Variants in INSL6 observed in about 807,000 individuals in gnomAD.
INSL6 encodes the protein insulin like 6, also known as insulin-like peptide INSL6.
INSL6 carries 16 observed loss-of-function variants against 9.4 expected under a neutral mutation model. That is an observed-to-expected ratio of 1.70 (90% CI 1.15 to 2.59). INSL6 has a LOEUF of 2.59. Ranked by LOEUF, INSL6 falls within the 30% of genes most tolerant of loss-of-function variation. The pLI is 0.00. For synonymous variants in INSL6, 154 were observed against 96.9 expected, an observed-to-expected ratio of 1.59 and a Z score of -3.46; for missense variants, 391 against 257.3, an observed-to-expected ratio of 1.52 and a Z score of -3.56.
At chr9:5,065,787 G>T in the INSL6 span, among the ~76,000 whole-genome samples, 1 of 152,040 alleles carries the variant, frequency 6.6e-6, no homozygotes, top group African/African-American at 2.4e-5. Flanking sequence ...TGAATAACTC[G>T]AGCAAAGGGA....
chr9:5,161,640 TAAAACCA>T (rs1586869459), downstream of INSL6, among the ~76,000 whole-genome samples: 6 of 152,082 alleles, frequency 3.9e-5, no homozygotes, highest in East Asian at 9.7e-4. Context: ...AAGAAATGAG[TAAAACCA>T]TCCTTATTTA....
chr9:5,017,377 T>A, the INSL6 span, among the ~76,000 whole-genome samples: 6 of 152,178 alleles, frequency 3.9e-5, no homozygotes, highest in Admixed American at 3.9e-4. Context: ...TTCTAGCAAA[T>A]TTACTCCTTA....
intron 1 of INSL6, among the ~76,000 whole-genome samples, chr9:5,177,841 C>T (rs1251951379): frequency 6.6e-6 from 1 of 152,178 alleles, no homozygotes; most frequent in Non-Finnish European, 1.5e-5. Context: ...AGCACAGCTG[C>T]TGTGCCAGAC....
chr9:5,145,406 A>T (rs192389348), intron 2 of INSL6, among the ~76,000 whole-genome samples: 4 of 151,920 alleles, frequency 2.6e-5, no homozygotes, highest in Admixed American at 2.0e-4. Context: ...CTTCATTTTG[A>T]CCTTGGAGAT....
At chr9:5,070,118 T>TAC in the INSL6 span, 1 of 1,130,782 alleles carries the variant, frequency 8.8e-7, no homozygotes, top group Non-Finnish European at 1.3e-6. Context: ...TTTCTTGATT[T>TAC]ACATTCATGT....
At position 5,180,988 on chromosome 9, in the gene INSL6, A is replaced by C. The variant is rs537823193; in HGVS notation, c.289+4326T>G. On this transcript the variant is annotated intron_variant, in intron 1 of 1. Coordinates refer to ENST00000381641, the MANE Select transcript of INSL6 (RefSeq NM_007179.3). ...GGTTTGAGGCTCAGGCCAGCATTAG[A>C]GTCCTACTGATATGTGCTGTCACCC... is the stretch of plus-strand genomic sequence containing the variant. Among the ~76,000 whole-genome samples the C allele has an allele frequency of 5.1e-4, 77 of 152,288 alleles. 1 individual carries two copies. Among genetic ancestry groups the C allele is most frequent in the Admixed American group, 1.1e-3 (17 of 15,296 alleles).
At chr9:5,015,056 C>G in the INSL6 span, among the ~76,000 whole-genome samples, 2 of 152,238 alleles carry the variant, frequency 1.3e-5, no homozygotes, top group African/African-American at 4.8e-5. Context: ...CTATAATTTA[C>G]TGCTTTTGCA....
At position 5,147,480 on chromosome 9, in the gene INSL6, C is replaced by T. The variant is rs746534296; in HGVS notation, c.377-13888G>A. On this transcript the variant is annotated intron_variant, in intron 2 of 3. Coordinates refer to the INSL6 transcript ENST00000649639. ...TGTCCAGGGAGTTGCCAAGTTGCTA[C>T]TGGCTTGATAGCTCTGGCAGGGAGT... is the stretch of plus-strand genomic sequence containing the variant. Among the ~76,000 whole-genome samples, 5 of 152,184 alleles carry T rather than the reference C, an allele frequency of 3.3e-5. No individual in the cohort carries two copies. In the South Asian group the frequency reaches 6.2e-4, roughly 19 times the overall value.
At chr9:5,030,051 T>C in the INSL6 span, 1 of 655,430 alleles carries the variant, frequency 1.5e-6, no homozygotes, top group Non-Finnish European at 2.5e-6. Flanking sequence ...TAAGATTCTA[T>C]TCTGTTTCTC....
At chr9:5,171,785 C>T (rs1465459933) in intron 1 of INSL6, among the ~76,000 whole-genome samples, 2 of 152,042 alleles carry the variant, frequency 1.3e-5, no homozygotes, top group Admixed American at 1.3e-4. Flanking sequence ...TAGCGAGGAA[C>T]ATGAAGGACC....
the INSL6 span, among the ~76,000 whole-genome samples, chr9:5,061,843 T>C: frequency 2.0e-5 from 3 of 152,230 alleles, no homozygotes; most frequent in Admixed American, 2.0e-4. Context: ...TTCTAGCTTT[T>C]GATTTAAAGT....
At chr9:5,035,342 C>T in the INSL6 span, among the ~76,000 whole-genome samples, 6 of 152,300 alleles carry the variant, frequency 3.9e-5, no homozygotes, top group African/African-American at 1.4e-4. Flanking sequence ...GAAACTATTC[C>T]AATCAATAGA....
chr9:5,153,707 G>T lies in INSL6; in HGVS notation c.376+10472C>A, dbSNP rs547433836. On this transcript the variant is annotated intron_variant, in intron 2 of 3. Coordinates refer to the INSL6 transcript ENST00000649639. Reference sequence around the variant, plus strand: ...ACAGACAGAGAGCCAAATCATGAGTGAAGTCCCATTCACAACTGCTACTAA... The same window carrying T: ...ACAGACAGAGAGCCAAATCATGAGTTAAGTCCCATTCACAACTGCTACTAA... Among the ~76,000 whole-genome samples the T allele has an allele frequency of 2.0e-5, 3 of 152,260 alleles. No individual in the cohort carries two copies. The South Asian group carries it at 6.2e-4, about 32-fold the overall frequency.
chr9:5,055,595 G>A, the INSL6 span: 2 of 1,149,298 alleles, frequency 1.7e-6, no homozygotes, highest in Non-Finnish European at 1.2e-6. Context: ...AAAGAATGTT[G>A]TCTTCTTAAG....
chr9:5,014,540 C>T, the INSL6 span, among the ~76,000 whole-genome samples: 2 of 152,130 alleles, frequency 1.3e-5, no homozygotes, highest in Non-Finnish European at 2.9e-5. Context: ...AATATCAGAA[C>T]AGCTGTGGCC....
At chr9:5,062,500 T>TAAAAAAAA in the INSL6 span, among the ~76,000 whole-genome samples, 21 of 58,248 alleles carry the variant, frequency 3.6e-4, 4 homozygotes, top group African/African-American at 2.2e-3. Context: ...CTTCCATTTG[T>TAAAAAAAA]AAAAAAAAAA....
chr9:5,153,316 C>A (rs1381595893), intron 2 of INSL6, among the ~76,000 whole-genome samples: 1 of 152,164 alleles, frequency 6.6e-6, no homozygotes, highest in Non-Finnish European at 1.5e-5. Context: ...GCCAGCACAG[C>A]AGTCTAAGCC....
At chr9:5,111,929 G>A in the INSL6 span, 4 of 348,858 alleles carry the variant, frequency 1.1e-5, no homozygotes, top group East Asian at 1.6e-4. Context: ...TCTACTCTCC[G>A]GATCACTCAA....
the INSL6 span, among the ~76,000 whole-genome samples, chr9:5,037,724 G>C: frequency 1.3e-5 from 2 of 152,168 alleles, no homozygotes; most frequent in African/African-American, 4.8e-5. Flanking sequence ...GGGGATGGAG[G>C]AGGGATAGCA....
Sources: gnomAD v4.1 joint callset for allele counts (sites outside exome capture counted in the v4.1 genomes callset) on GRCh38, gnomAD v4.1.1 for gene constraint, MANE v1.5 for transcripts, NCBI Gene and HGNC (gene_info 2026-07-23, HGNC 2026-07-21) for gene names.